CFAP20DC: variants seen among roughly 807,000 people sequenced by gnomAD.
The protein encoded by CFAP20DC is CFAP20 domain containing.
In CFAP20DC, 84 loss-of-function variants were observed where a neutral mutation model predicts 101.7. The observed-to-expected ratio is 0.83, with a 90% CI of 0.69 to 0.99. CFAP20DC has a LOEUF of 0.99. CFAP20DC is among the 50% of genes least tolerant of loss of function. The pLI is 0.00. For missense variants in CFAP20DC, 1,007 were observed against 970.3 expected (o/e 1.04, Z -0.50); for synonymous variants, 359 against 351.2 (o/e 1.02, Z -0.25).
At chr3:58,885,061 G>A (rs1206879133) in intron 6 of CFAP20DC, among the ~76,000 whole-genome samples, 1 of 152,040 alleles carries the variant, frequency 6.6e-6, no homozygotes, top group African/African-American at 2.4e-5. Flanking sequence ...ATTTCTGGGA[G>A]TACATCAGCT....
At chr3:58,777,531 C>CAA (rs1204387426) in intron 15 of CFAP20DC, among the ~76,000 whole-genome samples, 4 of 152,174 alleles carry the variant, frequency 2.6e-5, no homozygotes, top group Non-Finnish European at 5.9e-5. Flanking sequence ...TCATGTCAAT[C>CAA]AAAGTATGCA....
In CFAP20DC at chr3:58,962,710, T is replaced by C. The variant is rs150706133; in HGVS notation, c.279-24948A>G. Among the ~76,000 whole-genome samples, 847 of 152,292 alleles carry C rather than the reference T, an allele frequency of 5.6e-3. 9 individuals are homozygous for C. Among genetic ancestry groups the C allele is most frequent in the African/African-American group, 0.02 (822 of 41,570 alleles). On this transcript the variant is annotated intron_variant, in intron 4 of 16. Coordinates refer to ENST00000482387, the MANE Select transcript of CFAP20DC (RefSeq NM_001394063.1). The stretch of plus-strand genomic sequence containing the variant: ...TCAAAGCTCAGGCCGTGAACGAGCC[T>C]GGCCCAGCTTTTACTCTCTGCTAGG...
chr3:58,811,117 T>C (rs1025314181), intron 14 of CFAP20DC, among the ~76,000 whole-genome samples: 1 of 152,092 alleles, frequency 6.6e-6, no homozygotes, highest in African/African-American at 2.4e-5. Context: ...ATCGTGAAAA[T>C]GGCCATACTG....
intron 13 of CFAP20DC, among the ~76,000 whole-genome samples, chr3:58,837,179 A>G (rs546821311): frequency 6.6e-6 from 1 of 152,316 alleles, no homozygotes; most frequent in South Asian, 2.1e-4. Context: ...AAACCTTAAG[A>G]GACCAGATGG....
chr3:58,977,728 TA>T (rs57717110), intron 4 of CFAP20DC, among the ~76,000 whole-genome samples: 21,134 of 116,324 alleles, frequency 0.18, 1,776 homozygotes, highest in Non-Finnish European at 0.24. Context: ...AGTGGCGAAG[TA>T]AAAAAAAAAA....
intron 4 of CFAP20DC, among the ~76,000 whole-genome samples, chr3:58,950,642 G>A (rs1024063716): frequency 1.3e-5 from 2 of 152,048 alleles, no homozygotes; most frequent in Non-Finnish European, 2.9e-5. Context: ...ACAAACCTGA[G>A]AAAAACAAGA....
chr3:58,958,325 G>A (rs182339008), intron 4 of CFAP20DC, among the ~76,000 whole-genome samples: 3 of 152,132 alleles, frequency 2.0e-5, no homozygotes, highest in Admixed American at 1.3e-4. Flanking sequence ...TTAGCATAAC[G>A]TTTTAAGATT....
intron 12 of CFAP20DC, among the ~76,000 whole-genome samples, chr3:58,857,512 T>G (rs2078932465): frequency 6.6e-6 from 1 of 152,200 alleles, no homozygotes; most frequent in Non-Finnish European, 1.5e-5. Context: ...CTGTGTACCC[T>G]GATGAGCATT....
At chr3:58,794,371 T>G in intron 15 of CFAP20DC, 1 of 455,294 alleles carries the variant, frequency 2.2e-6, no homozygotes, top group East Asian at 7.0e-5. Flanking sequence ...AACAGAACAA[T>G]AATGATAGTG....
intron 4 of CFAP20DC, among the ~76,000 whole-genome samples, chr3:58,951,874 T>C (rs1423122854): frequency 6.6e-6 from 1 of 152,102 alleles, no homozygotes; most frequent in Non-Finnish European, 1.5e-5. Context: ...AACCTGCACG[T>C]TGTGCACATG....
chr3:58,891,595 T>C (rs2082267694), intron 6 of CFAP20DC, among the ~76,000 whole-genome samples: 1 of 152,262 alleles, frequency 6.6e-6, no homozygotes, highest in Non-Finnish European at 1.5e-5. Context: ...GTTGGCTGCA[T>C]GTACGGCTTC....
chr3:58,763,536 C>G (rs896656182), intron 15 of CFAP20DC, among the ~76,000 whole-genome samples: 1 of 152,218 alleles, frequency 6.6e-6, no homozygotes, highest in Non-Finnish European at 1.5e-5. Context: ...CTTTTCTCAA[C>G]TCGTCAAAGT....
chr3:58,884,065 G>C (rs2081416756), intron 7 of CFAP20DC, among the ~76,000 whole-genome samples: 1 of 151,604 alleles, frequency 6.6e-6, no homozygotes, highest in Non-Finnish European at 1.5e-5. Context: ...AGCTCCTCTT[G>C]AAAAAAAATG....
chr3:58,814,302 C>T (rs548816391), intron 14 of CFAP20DC, among the ~76,000 whole-genome samples: 31 of 151,990 alleles, frequency 2.0e-4, no homozygotes, highest in African/African-American at 7.5e-4. Context: ...GACTCAGCCC[C>T]TCCTTGCTTT....
chr3:58,749,603 A>G lies in CFAP20DC; in HGVS notation c.2332+4166T>C, dbSNP rs998019849. 2.6e-5 allele frequency among the ~76,000 whole-genome samples: 4 copies of G among 152,330 alleles called. No homozygotes were observed. In the South Asian group the frequency reaches 8.3e-4, roughly 32 times the overall value. ...GGCTTTGCCATAAAAAAGGTATAAG[A>G]ATATTATTTTTATGAGAATCAGGCA... On this transcript the variant is annotated intron_variant, in intron 16 of 16. Transcript: ENST00000482387.
At chr3:58,749,525 C>T (rs1252910091) in intron 16 of CFAP20DC, among the ~76,000 whole-genome samples, 2 of 152,122 alleles carry the variant, frequency 1.3e-5, no homozygotes, top group African/African-American at 2.4e-5. Context: ...CATCTGCTAC[C>T]CATTTATATC....
chr3:58,867,466 A>G (rs1232449885), intron 10 of CFAP20DC, among the ~76,000 whole-genome samples: 1 of 152,232 alleles, frequency 6.6e-6, no homozygotes, highest in Non-Finnish European at 1.5e-5. Flanking sequence ...GACACAAATG[A>G]AACATAAAAA....
At position 58,721,033 on chromosome 3, in the gene CFAP20DC, C is replaced by A. The variant is rs1447003039; in HGVS notation, c.198-3405G>T. Among the ~76,000 whole-genome samples, 1 of 152,138 alleles carries A rather than the reference C, an allele frequency of 6.6e-6. No homozygotes were observed. The highest frequency in any genetic ancestry group is 1.5e-5 in the Non-Finnish European group (1 of 68,026). On this transcript the variant is annotated intron_variant, in intron 3 of 3. Coordinates refer to the CFAP20DC transcript ENST00000486145. The surrounding 1 kb of genome is among the most constrained non-coding windows in gnomAD (Gnocchi z 5.2). ...TTCCTCAAGAAAACCTCCTCAGACT[C>A]CAAGGCTAGGTTAGGTTCCTCATTT...
At chr3:58,870,878 G>C (rs1284894124) in intron 7 of CFAP20DC, among the ~76,000 whole-genome samples, 1 of 99,192 alleles carries the variant, frequency 1.0e-5, no homozygotes, top group Admixed American at 1.7e-4. Context: ...CTGGGCGACA[G>C]AGCGAGACTC....
Sources: gnomAD v4.1 joint callset for allele counts (sites outside exome capture counted in the v4.1 genomes callset) on GRCh38, gnomAD v4.1.1 for gene constraint, Gnocchi (gnomAD v3.1) non-coding constraint, MANE v1.5 for transcripts, NCBI Gene and HGNC (gene_info 2026-07-23, HGNC 2026-07-21) for gene names.